Variants in ERC2 observed in about 807,000 individuals in gnomAD.
ERC2 encodes ELKS/RAB6-interacting/CAST family member 2.
In ERC2, 42 loss-of-function variants were observed where a neutral mutation model predicts 114.8. The observed-to-expected ratio is 0.37, with a 90% CI of 0.29 to 0.47. The LOEUF (loss-of-function observed/expected upper bound fraction) is 0.47. Among genes scored for constraint, ERC2 ranks in the 20% least tolerant of loss-of-function variants. ERC2 has a pLI of 0.99. For synonymous variants in ERC2, 454 were observed against 425.5 expected (o/e 1.07, Z -0.82); for missense variants, 939 against 1,150.7 (o/e 0.82, Z 2.66).
chr3:55,845,794 C>A (rs1163319111), intron 14 of ERC2, among the ~76,000 whole-genome samples: 1 of 152,240 alleles, frequency 6.6e-6, no homozygotes, highest in Non-Finnish European at 1.5e-5. Context: ...ACTCAGCTCA[C>A]AGGAGACCAA....
chr3:56,026,081 TTC>T (rs2074032605), intron 7 of ERC2, among the ~76,000 whole-genome samples: 1 of 138,110 alleles, frequency 7.2e-6, no homozygotes, highest in Admixed American at 7.5e-5. Context: ...TTTTTTTTTT[TTC>T]GAGATGGAGT....
Position 55,729,837 on chromosome 3 carries a change from C to CAAAAAAAAAAAAAAAAAAA in ERC2, c.2712+4915_2712+4933dup, listed in dbSNP as rs71096498. On this transcript the variant is annotated intron_variant, in intron 15 of 17. Transcript: ENST00000288221. ...AGGGTAATGCAGTGAGACTCTATCG[C>CAAAAAAAAAAAAAAAAAAA]AAAAAAAAAAAAAAAAAAAAAAAAA... 1.5e-3 allele frequency among the ~76,000 whole-genome samples: 95 copies of CAAAAAAAAAAAAAAAAAAA among 61,634 alleles called. 31 individuals are homozygous for CAAAAAAAAAAAAAAAAAAA. The highest frequency in any genetic ancestry group is 3.6e-3 in the African/African-American group (42 of 11,690). 40.4% of individuals were successfully genotyped at this position (61,634 alleles called of 152,430 possible).
chr3:56,460,964 C>CAAAAAAAAAA lies in ERC2; in HGVS notation c.-141+7274_-141+7283dup, dbSNP rs35313545. Among the ~76,000 whole-genome samples, 23 of 98,088 alleles carry CAAAAAAAAAA rather than the reference C, an allele frequency of 2.3e-4. 1 individual carries two copies. The highest frequency in any genetic ancestry group is 5.4e-4 in the Admixed American group (4 of 7,450). The allele number at this position is 98,088 out of a possible 152,430, so 64.3% of individuals were successfully genotyped here. ...TGAAACCCCGTCTCTACTAAAAATA[C>CAAAAAAAAAA]AAAAAAAAAAAAAAAAAGCAAGATG... On this transcript the variant is annotated intron_variant, in intron 1 of 17. Transcript: ENST00000288221.
At chr3:56,069,851 C>A (rs1422669820) in intron 7 of ERC2, among the ~76,000 whole-genome samples, 2 of 152,124 alleles carry the variant, frequency 1.3e-5, no homozygotes, top group African/African-American at 4.8e-5. Context: ...AATACAACTT[C>A]CATGAAAACA....
intron 17 of ERC2, among the ~76,000 whole-genome samples, chr3:55,565,249 A>G (rs1010019884): frequency 1.2e-4 from 19 of 152,284 alleles, no homozygotes; most frequent in Admixed American, 1.2e-3. Context: ...GTTTAAGGAA[A>G]GAATAAGTGA....
chr3:55,629,290 C>T (rs1415225547), intron 17 of ERC2, among the ~76,000 whole-genome samples: 1 of 152,208 alleles, frequency 6.6e-6, no homozygotes, highest in Non-Finnish European at 1.5e-5. Flanking sequence ...GAAGCCAGTA[C>T]ACGATGAACT....
chr3:55,588,798 A>G (rs530196555), intron 17 of ERC2, among the ~76,000 whole-genome samples: 1 of 152,238 alleles, frequency 6.6e-6, no homozygotes, highest in South Asian at 2.1e-4. Flanking sequence ...TCTGGGCTCC[A>G]ATGCTTCAGT....
chr3:55,678,367 C>T (rs531402618), intron 17 of ERC2, among the ~76,000 whole-genome samples: 1 of 152,306 alleles, frequency 6.6e-6, no homozygotes, highest in South Asian at 2.1e-4. Context: ...TACCCCTTAA[C>T]TGACAGAATT....
chr3:56,014,811 A>C lies in ERC2; in HGVS notation c.1779+4083T>G, dbSNP rs949376991. Among the ~76,000 whole-genome samples, 3 of 152,306 alleles carry C rather than the reference A, an allele frequency of 2.0e-5. No individual in the cohort carries two copies. The South Asian group carries it at 6.2e-4, about 32-fold the overall frequency. ...GAAATAGGGTGATATCATACAACCCAAATATGCTAAATGAACACATAAGCA... is the reference window on the plus strand; with the variant it reads ...GAAATAGGGTGATATCATACAACCCCAATATGCTAAATGAACACATAAGCA... On this transcript the variant is annotated intron_variant, in intron 8 of 17. Coordinates refer to ENST00000288221, the MANE Select transcript of ERC2 (RefSeq NM_015576.3).
At chr3:56,438,775 C>T (rs984886581) in intron 1 of ERC2, among the ~76,000 whole-genome samples, 4 of 152,180 alleles carry the variant, frequency 2.6e-5, no homozygotes, top group East Asian at 3.9e-4. Flanking sequence ...CTTGAGGTCC[C>T]GGAATGTCAT....
At chr3:55,663,595 A>G (rs2061231934) in intron 17 of ERC2, among the ~76,000 whole-genome samples, 1 of 152,218 alleles carries the variant, frequency 6.6e-6, no homozygotes, top group South Asian at 2.1e-4. Flanking sequence ...GTTGAGCTGC[A>G]GGAGGAATTA....
At chr3:55,521,584 T>C (rs529101487) in intron 17 of ERC2, among the ~76,000 whole-genome samples, 12 of 152,342 alleles carry the variant, frequency 7.9e-5, no homozygotes, top group African/African-American at 2.2e-4. Context: ...GAACGCCTAA[T>C]AGAAGTGACT....
intron 1 of ERC2, among the ~76,000 whole-genome samples, chr3:56,443,881 A>G (rs1338631244): frequency 6.6e-6 from 1 of 151,730 alleles, no homozygotes; most frequent in Non-Finnish European, 1.5e-5. Context: ...AAGATCTTAC[A>G]GTTTTAAATA....
intron 7 of ERC2, among the ~76,000 whole-genome samples, chr3:56,042,713 A>G (rs2075259967): frequency 1.3e-5 from 2 of 152,128 alleles, no homozygotes; most frequent in African/African-American, 2.4e-5. Context: ...GTACTCTAAA[A>G]TAAAAGTAGC....
chr3:55,848,395 C>T (rs1456609338), intron 14 of ERC2, among the ~76,000 whole-genome samples: 1 of 152,194 alleles, frequency 6.6e-6, no homozygotes, highest in East Asian at 1.9e-4. Context: ...AGCCTCTTAA[C>T]TTATGCCTGT....
intron 3 of ERC2, among the ~76,000 whole-genome samples, chr3:56,177,000 C>G (rs573865074): frequency 6.6e-6 from 1 of 152,200 alleles, no homozygotes; most frequent in Non-Finnish European, 1.5e-5. Context: ...ACTTCAATAT[C>G]CAAGAAGATG....
chr3:56,284,792 C>G (rs1214965533), intron 3 of ERC2, among the ~76,000 whole-genome samples: 5 of 152,106 alleles, frequency 3.3e-5, no homozygotes, highest in Non-Finnish European at 5.9e-5. Flanking sequence ...AAGTCCCAAT[C>G]TTCCCATGTG....
chr3:56,197,046 C>T (rs932726770), intron 3 of ERC2, among the ~76,000 whole-genome samples: 1 of 152,254 alleles, frequency 6.6e-6, no homozygotes, highest in South Asian at 2.1e-4. Flanking sequence ...AAACTGAACT[C>T]CAGCCATGTC....
At chr3:55,903,222 C>A (rs931665473) in intron 13 of ERC2, among the ~76,000 whole-genome samples, 3 of 152,092 alleles carry the variant, frequency 2.0e-5, no homozygotes, top group East Asian at 3.9e-4. Flanking sequence ...ACTATATTTT[C>A]AAAATAAATG....
Sources: allele counts gnomAD v4.1 joint callset (sites outside exome capture counted in the v4.1 genomes callset), GRCh38; gene constraint gnomAD v4.1.1; transcripts MANE v1.5; gene names NCBI Gene and HGNC (gene_info 2026-07-23, HGNC 2026-07-21).